OR12D3: variants seen among roughly 807,000 people sequenced by gnomAD.
The protein encoded by OR12D3 is olfactory receptor 12D3.
For synonymous variants in OR12D3, 142 were observed against 138.8 expected (o/e 1.02, Z -0.16); for missense variants, 333 against 386.4 (o/e 0.86, Z 1.16).
rs1779268137 is a variant in OR12D3, at chr6:29,374,022, T to C, written c.*315A>G. The stretch of plus-strand genomic sequence containing the variant: ...TTGTCCTAGGAGAAATGCCACATTC[T>C]TTTTTACACAGCAGATTCCTACTCT... On this transcript the variant is annotated 3_prime_UTR_variant, in exon 1 of 1. Transcript: ENST00000396806. The C allele has an allele frequency of 1.5e-5, 6 of 406,866 alleles. No homozygotes were observed. The South Asian group carries it at 5.7e-4, about 39-fold the overall frequency. 25.2% of individuals were successfully genotyped at this position (406,866 alleles called of 1,614,324 possible).
chr6:29,374,165 CATT>C lies in OR12D3; in HGVS notation c.*169_*171del, dbSNP rs767004951. The stretch of plus-strand genomic sequence containing the variant: ...TCACATTAAACTTTATGTTTGATGA[CATT>C]ATGGAATTTGTTTTGCTTGCTCCTG... On this transcript the variant is annotated 3_prime_UTR_variant, in exon 1 of 1. Coordinates refer to ENST00000396806, the MANE Select transcript of OR12D3 (RefSeq NM_030959.3). The C allele has an allele frequency of 6.8e-6, 4 of 585,178 alleles. No individual in the cohort carries two copies. The highest frequency in any genetic ancestry group is 1.2e-5 in the Non-Finnish European group (4 of 335,272). 36.2% of individuals were successfully genotyped at this position (585,178 alleles called of 1,614,324 possible).
chr6:29,375,273 A>G lies in OR12D3; in HGVS notation c.15T>C (p.Thr5=), dbSNP rs1361925880. 6.3e-7 allele frequency: 1 copy of G among 1,575,694 alleles called. No homozygotes were observed. Among genetic ancestry groups the G allele is most frequent in the Non-Finnish European group, 8.6e-7 (1 of 1,167,178 alleles). Residue 5 remains threonine (T), a synonymous_variant, in exon 1 of 1, where the codon ACT becomes ACC. Coordinates refer to ENST00000396806, the MANE Select transcript of OR12D3 (RefSeq NM_030959.3). MENV[T]TMNEFLLLGL... is the part of the protein sequence containing the mutation. ...CAAGTAGAAGAAACTCATTCATTGT[A>G]GTGACATTCTCCATTGCTCTGGGAA... is the stretch of plus-strand genomic sequence containing the variant.
Position 29,374,489 on chromosome 6 carries a change from T to A in OR12D3, c.799A>T (p.Met267Leu). The A allele has an allele frequency of 6.2e-7, 1 of 1,612,974 alleles. No homozygotes were observed. ...ATGGCCATTATCCGGTCCTGAATCA[T>A]GGAGGTGGCTGAAGCAGGACGAATA... ...TYIRPASATS[M>L]IQDRIMAIMY... The change falls in exon 1 of 1, where the codon ATG becomes TTG. Residue 267 changes from methionine to leucine, a missense_variant. Coordinates refer to ENST00000396806, the MANE Select transcript of OR12D3 (RefSeq NM_030959.3).
chr6:29,375,126 G>T lies in OR12D3; in HGVS notation c.162C>A (p.His54Gln). The T allele has an allele frequency of 6.2e-7, 1 of 1,612,994 alleles. No homozygotes were observed. The highest frequency in any genetic ancestry group is 1.3e-5 in the African/African-American group (1 of 75,028). ...TTCCCAGAAAAAAATACATAGGGGA[G>T]TGGAGTTGTGGTTCCAAAACAACCA... ...LVMVVLEPQL[H>Q]SPMYFFLGNL... The change falls in exon 1 of 1, where the codon CAC becomes CAA. Residue 54 changes from histidine (H) to glutamine (Q), a missense_variant. By Grantham distance (24) the His-to-Gln change is conservative. Coordinates refer to ENST00000396806, the MANE Select transcript of OR12D3 (RefSeq NM_030959.3).
In OR12D3 at chr6:29,374,882, G is replaced by T. The variant is rs774197880; in HGVS notation, c.406C>A (p.Pro136Thr). The T allele has an allele frequency of 1.2e-6, 2 of 1,613,634 alleles. No homozygotes were observed. The highest frequency in any genetic ancestry group is 2.2e-5 in the East Asian group (1 of 44,882). Residue 136 changes from proline to threonine, a missense_variant, in exon 1 of 1, where the codon CCC (proline) becomes ACC (threonine). Coordinates refer to ENST00000396806, the MANE Select transcript of OR12D3 (RefSeq NM_030959.3). The part of the protein sequence containing the change: ...NPLRYTVIMN[P>T]QVCILLAAAA... ...GCTGCCAACAGAATACACACCTGGG[G>T]GTTCATGATGACAGTGTAGCGAAGA...
At position 29,374,572 on chromosome 6, in the gene OR12D3, G is replaced by C; in HGVS notation, c.716C>G (p.Thr239Ser). 6.2e-7 allele frequency: 1 copy of C among 1,613,046 alleles called. No homozygotes were observed. The change falls in exon 1 of 1, where the codon ACT becomes AGT. Residue 239 changes from threonine to serine, a missense_variant. Transcript: ENST00000396806. Reference sequence around the variant, plus strand: ...TACCACCATAAAATGGGAGGCACAAGTGGACAGAGCCTTGTGGAGTATTCT... The same window carrying C: ...TACCACCATAAAATGGGAGGCACAACTGGACAGAGCCTTGTGGAGTATTCT... ...SCRILHKALS[T>S]CASHFMVVCL...
chr6:29,374,313 G>C lies in OR12D3; in HGVS notation c.*24C>G. 6.7e-7 allele frequency: 1 copy of C among 1,488,740 alleles called. No individual in the cohort carries two copies. The highest frequency in any genetic ancestry group is 9.2e-7 in the Non-Finnish European group (1 of 1,085,642). The allele number at this position is 1,488,740 out of a possible 1,614,324, so 92.2% of individuals were successfully genotyped here. On this transcript the variant is annotated 3_prime_UTR_variant, in exon 1 of 1. Transcript: ENST00000396806. ...GAAGTGATGGAAATCAGTCTTAATA[G>C]AAATCAGATATCCCTCATTAGTCCT... is the stretch of plus-strand genomic sequence containing the variant.
At position 29,373,693 on chromosome 6, in the gene OR12D3, G is replaced by A. The variant is rs1014466054; in HGVS notation, c.*644C>T. On this transcript the variant is annotated 3_prime_UTR_variant, in exon 1 of 1. Coordinates refer to ENST00000396806, the MANE Select transcript of OR12D3 (RefSeq NM_030959.3). The stretch of plus-strand genomic sequence containing the variant: ...ATGTATACATATACTAAAGCATCAT[G>A]TTGTGAAGCCTAAATATATGCAATT... 1 of 228,716 alleles carries A rather than the reference G, an allele frequency of 4.4e-6. No homozygotes were observed. 14.2% of individuals were successfully genotyped at this position (228,716 alleles called of 1,614,324 possible).
In OR12D3 at chr6:29,373,809, A is replaced by T; in HGVS notation, c.*528T>A. 2.5e-6 allele frequency: 1 copy of T among 393,024 alleles called. No individual in the cohort carries two copies. The highest frequency in any genetic ancestry group is 3.6e-5 in the East Asian group (1 of 27,744). The allele number at this position is 393,024 out of a possible 1,614,324, so 24.3% of individuals were successfully genotyped here. ...CTCTCCCTAAAATTAAATACCCATT[A>T]AAAATTCTCTTCAAGAATTAAGATT... On this transcript the variant is annotated 3_prime_UTR_variant, in exon 1 of 1. Coordinates refer to ENST00000396806, the MANE Select transcript of OR12D3 (RefSeq NM_030959.3).
In OR12D3 at chr6:29,373,542, C is replaced by T. The variant is rs59716966; in HGVS notation, c.*795G>A. The T allele has an allele frequency of 0.071, 10,785 of 152,782 alleles. 511 individuals are homozygous for T. The highest frequency in any genetic ancestry group is 0.2 in the East Asian group (1,025 of 5,178). 9.5% of individuals were successfully genotyped at this position (152,782 alleles called of 1,614,324 possible). ...CAAACACTCCAACTGAAACAAAGAGCTTGTCACATTGGCTTAATGGGTATG... is the reference window on the plus strand; with the variant it reads ...CAAACACTCCAACTGAAACAAAGAGTTTGTCACATTGGCTTAATGGGTATG... On this transcript the variant is annotated 3_prime_UTR_variant, in exon 1 of 1. Transcript: ENST00000396806.
At position 29,374,950 on chromosome 6, in the gene OR12D3, A is replaced by G. The variant is rs967420738; in HGVS notation, c.338T>C (p.Leu113Pro). Residue 113 changes from leucine to proline, a missense_variant, in exon 1 of 1, where the codon CTG (leucine) becomes CCG (proline). By Grantham distance (98) the Leu-to-Pro change is moderately conservative (BLOSUM62 -3). Transcript: ENST00000396806. ...HFLGSTEAIL[L>P]AIMAFDRFVA... ...AAAACGGTCAAAGGCCATGATAGCC[A>G]GTAAAATGGCCTCTGTGCTTCCCAA... 1 of 1,614,012 alleles carries G rather than the reference A, an allele frequency of 6.2e-7. No homozygotes were observed. The highest frequency in any genetic ancestry group is 8.5e-7 in the Non-Finnish European group (1 of 1,180,028).
Position 29,375,246 on chromosome 6 carries a change from G to T in OR12D3, c.42C>A (p.Gly14=). The T allele has an allele frequency of 6.3e-7, 1 of 1,598,102 alleles. No individual in the cohort carries two copies. The highest frequency in any genetic ancestry group is 8.5e-7 in the Non-Finnish European group (1 of 1,175,694). Residue 14 remains glycine (G), a synonymous_variant, in exon 1 of 1, where the codon GGC becomes GGA. Transcript: ENST00000396806. The part of the protein sequence containing the change: ...VTTMNEFLLL[G]LTGVQELQPF... ...GCTGCAGCTCCTGAACACCAGTCAG[G>T]CCAAGTAGAAGAAACTCATTCATTG...
In OR12D3 at chr6:29,375,048, G is replaced by A. The variant is rs3749970; in HGVS notation, c.240C>T (p.Leu80=). ...SYSSVTLPKL[L]VNLVCSRRAI... ...CCCTGCGACTGCACACGAGGTTTAC[G>A]AGCAGCTTGGGCAGTGTCACTGAAG... The change falls in exon 1 of 1, where the codon CTC becomes CTT. Residue 80 remains leucine, a synonymous_variant. Coordinates refer to ENST00000396806, the MANE Select transcript of OR12D3 (RefSeq NM_030959.3). 0.45 allele frequency: 719,443 copies of A among 1,613,168 alleles called. 168,682 individuals carry two copies. The highest frequency in any genetic ancestry group is 0.48 in the Non-Finnish European group (563,897 of 1,179,904).
chr6:29,374,322 T>G lies in OR12D3; in HGVS notation c.*15A>C. On this transcript the variant is annotated 3_prime_UTR_variant, in exon 1 of 1. Coordinates refer to ENST00000396806, the MANE Select transcript of OR12D3 (RefSeq NM_030959.3). ...GAAATCAGTCTTAATAGAAATCAGATATCCCTCATTAGTCCTAGTGGTGTT... is the reference window on the plus strand; with the variant it reads ...GAAATCAGTCTTAATAGAAATCAGAGATCCCTCATTAGTCCTAGTGGTGTT... The G allele has an allele frequency of 6.5e-7, 1 of 1,533,822 alleles. No homozygotes were observed. Among genetic ancestry groups the G allele is most frequent in the Middle Eastern group, 2.0e-4 (1 of 5,082 alleles).
Position 29,374,620 on chromosome 6 carries a change from A to G in OR12D3, c.668T>C (p.Leu223Pro), listed in dbSNP as rs1182738175. 1 of 1,613,028 alleles carries G rather than the reference A, an allele frequency of 6.2e-7. No homozygotes were observed. The highest frequency in any genetic ancestry group is 1.7e-5 in the Admixed American group (1 of 60,020). The stretch of plus-strand genomic sequence containing the variant: ...TCTGCAGGACCTGTTCTTAAACAGA[A>G]GGAAGCCAATTACATAGAAGCAGGA... ...LLSCFYVIGF[L>P]LFKNRSCRIL... Residue 223 changes from leucine (L) to proline (P), a missense_variant, in exon 1 of 1, where the codon CTT (leucine) becomes CCT (proline). Leu to Pro is a moderately conservative substitution (Grantham distance 98). Coordinates refer to ENST00000396806, the MANE Select transcript of OR12D3 (RefSeq NM_030959.3).
In OR12D3 at chr6:29,374,919, G is replaced by A. The variant is rs1449159965; in HGVS notation, c.369C>T (p.Ala123=). The change falls in exon 1 of 1, where the codon GCC becomes GCT. Residue 123 remains alanine (A), a synonymous_variant. Coordinates refer to ENST00000396806, the MANE Select transcript of OR12D3 (RefSeq NM_030959.3). ...LAIMAFDRFV[A]ICNPLRYTVI... ...CAGTGTAGCGAAGAGGATTGCAGATGGCAACAAAACGGTCAAAGGCCATGA... is the reference window on the plus strand; with the variant it reads ...CAGTGTAGCGAAGAGGATTGCAGATAGCAACAAAACGGTCAAAGGCCATGA... 8 of 1,613,936 alleles carry A rather than the reference G, an allele frequency of 5.0e-6. No individual in the cohort carries two copies. Among genetic ancestry groups the A allele is most frequent in the Non-Finnish European group, 5.9e-6 (7 of 1,180,020 alleles).
rs201259693 is a variant in OR12D3 at position 29,374,876 on chromosome 6, C to T, written c.412G>A (p.Val138Met). 4.3e-6 allele frequency: 7 copies of T among 1,613,340 alleles called. No homozygotes were observed. Among genetic ancestry groups the T allele is most frequent in the African/African-American group, 2.7e-5 (2 of 74,882 alleles). Residue 138 changes from valine (V) to methionine (M), a missense_variant, in exon 1 of 1, where the codon GTG (valine) becomes ATG (methionine). By Grantham distance (21) the Val-to-Met change is conservative. Coordinates refer to ENST00000396806, the MANE Select transcript of OR12D3 (RefSeq NM_030959.3). Reference protein sequence around the residue: ...LRYTVIMNPQVCILLAAAAWL... With the variant: ...LRYTVIMNPQMCILLAAAAWL... ...GCCGCAGCTGCCAACAGAATACACA[C>T]CTGGGGGTTCATGATGACAGTGTAG...
Position 29,373,820 on chromosome 6 carries a change from T to G in OR12D3, c.*517A>C, listed in dbSNP as rs1779254654. On this transcript the variant is annotated 3_prime_UTR_variant, in exon 1 of 1. Transcript: ENST00000396806. ...ATTAAATACCCATTAAAAATTCTCT[T>G]CAAGAATTAAGATTAACAAAAATGA... is the stretch of plus-strand genomic sequence containing the variant. The G allele has an allele frequency of 2.5e-6, 1 of 394,418 alleles. No individual in the cohort carries two copies. The highest frequency in any genetic ancestry group is 4.5e-6 in the Non-Finnish European group (1 of 223,894). The allele number at this position is 394,418 out of a possible 1,614,324, so 24.4% of individuals were successfully genotyped here.
rs771361788 is a variant in OR12D3, at chr6:29,374,388, C to A, written c.900G>T (p.Leu300=). ...TLRNKEVMMA[L]KKIFGRKLFK... is the part of the protein sequence containing the mutation. Reference sequence around the variant, plus strand: ...ACAACTTCCTACCAAAGATTTTCTTCAGAGCCATCATCACTTCTTTGTTCC... The same window carrying A: ...ACAACTTCCTACCAAAGATTTTCTTAAGAGCCATCATCACTTCTTTGTTCC... The change falls in exon 1 of 1, where the codon CTG becomes CTT. Residue 300 remains leucine, a synonymous_variant. Transcript: ENST00000396806. 6.2e-7 allele frequency: 1 copy of A among 1,612,868 alleles called. No individual in the cohort carries two copies. Among genetic ancestry groups the A allele is most frequent in the Non-Finnish European group, 8.5e-7 (1 of 1,179,986 alleles).
Sources: gnomAD v4.1 joint callset for allele counts on GRCh38, gnomAD v4.1.1 for gene constraint, MANE v1.5 for transcripts, NCBI Gene and HGNC (gene_info 2026-07-23, HGNC 2026-07-21) for gene names.